PTPN13: variants seen among roughly 807,000 people sequenced by gnomAD.
PTPN13 encodes protein tyrosine phosphatase non-receptor type 13, also known as tyrosine-protein phosphatase non-receptor type 13.
In PTPN13, 191 loss-of-function variants were observed where a neutral mutation model predicts 284.0. The observed-to-expected ratio is 0.67, with a 90% CI of 0.60 to 0.76. The LOEUF is 0.76. Ranked by LOEUF, PTPN13 falls within the 30% of genes least tolerant of loss-of-function variation. PTPN13 has a pLI of 0.00. For synonymous variants in PTPN13, 986 were observed against 1,022.3 expected (o/e 0.96, Z 0.68); for missense variants, 2,797 against 2,939.9 (o/e 0.95, Z 1.12).
chr4:86,619,544 G>T (rs1329893503), intron 1 of PTPN13, among the ~76,000 whole-genome samples: 7 of 152,100 alleles, frequency 4.6e-5, no homozygotes, highest in African/African-American at 1.7e-4. Context: ...TAGGAGAAGT[G>T]GAAAAGGCAG....
intron 3 of PTPN13, among the ~76,000 whole-genome samples, chr4:86,678,663 T>G (rs1289596705): frequency 6.6e-6 from 1 of 152,206 alleles, no homozygotes; most frequent in East Asian, 1.9e-4. Flanking sequence ...CCATTGTGTT[T>G]CCTGTAAATG....
intron 2 of PTPN13, among the ~76,000 whole-genome samples, 167 bp downstream of exon 2, chr4:86,635,538 A>G (rs979797434): frequency 2.0e-5 from 3 of 152,208 alleles, no homozygotes; most frequent in Non-Finnish European, 4.4e-5. Flanking sequence ...AAGCTCAGCT[A>G]TTATCTACAT....
chr4:86,728,411 G>A lies in PTPN13; in HGVS notation c.1609-3989G>A, dbSNP rs188608145. 2.0e-5 allele frequency among the ~76,000 whole-genome samples: 3 copies of A among 148,720 alleles called. 1 individual carries two copies. The highest frequency in any genetic ancestry group is 1.9e-4 in the East Asian group (1 of 5,168). ...CCTTATCTGTCTAATACTGACAATG[G>A]AGTGTTAAAGTCTCCCATTATTATT... On this transcript the variant is annotated intron_variant, in intron 10 of 47. Transcript: ENST00000411767.
chr4:86,795,855 CAG>C (rs1743277242), intron 40 of PTPN13, among the ~76,000 whole-genome samples: 1 of 152,062 alleles, frequency 6.6e-6, no homozygotes, highest in South Asian at 2.1e-4. Context: ...CACATGGACA[CAG>C]GGCGGGGAAT....
chr4:86,636,775 A>T (rs753299960), intron 2 of PTPN13, among the ~76,000 whole-genome samples: 1 of 152,182 alleles, frequency 6.6e-6, no homozygotes, highest in Non-Finnish European at 1.5e-5. Flanking sequence ...GAACTAGAAA[A>T]GCAAGAACAA....
At chr4:86,773,403 A>G (rs763671940) in intron 32 of PTPN13, among the ~76,000 whole-genome samples, 64 of 151,324 alleles carry the variant, frequency 4.2e-4, no homozygotes, top group Non-Finnish European at 7.5e-4. Flanking sequence ...CCAAGTTTGA[A>G]TGTAATTTTT....
chr4:86,794,745 C>A (rs1055885626), intron 40 of PTPN13, among the ~76,000 whole-genome samples: 3 of 152,004 alleles, frequency 2.0e-5, no homozygotes, highest in African/African-American at 7.2e-5. Context: ...ATAATACTAC[C>A]CATCTACAGC....
intron 4 of PTPN13, 107 bp from the exon 5 acceptor site, chr4:86,688,898 G>T (rs1729728162): frequency 1.3e-6 from 1 of 771,548 alleles, no homozygotes; most frequent in Non-Finnish European, 2.0e-6. Context: ...CTCCAAGTAT[G>T]TGAAGTGTGT....
intron 1 of PTPN13, chr4:86,595,776 G>T: frequency 2.0e-6 from 2 of 985,496 alleles, no homozygotes; most frequent in Non-Finnish European, 2.4e-6. Context: ...TCTGTGGGAT[G>T]AAGGGCGCTG....
At chr4:86,688,923 T>G in intron 4 of PTPN13, 82 bp from the exon 5 acceptor site, 1 of 1,130,342 alleles carries the variant, frequency 8.8e-7, no homozygotes. Flanking sequence ...GTGTGGTTCC[T>G]GTGATTCCTA....
intron 10 of PTPN13, among the ~76,000 whole-genome samples, chr4:86,723,801 T>C (rs1336169584): frequency 6.6e-6 from 1 of 152,226 alleles, no homozygotes; most frequent in Non-Finnish European, 1.5e-5. Flanking sequence ...AAAATAATTC[T>C]TAAAAAGCAA....
intron 40 of PTPN13, among the ~76,000 whole-genome samples, chr4:86,791,792 A>G (rs969206662): frequency 6.6e-6 from 1 of 152,226 alleles, no homozygotes; most frequent in African/African-American, 2.4e-5. Context: ...ACTAACAAAC[A>G]GAAAGGAATA....
intron 40 of PTPN13, among the ~76,000 whole-genome samples, chr4:86,790,541 A>G (rs1742500509): frequency 6.6e-6 from 1 of 152,222 alleles, no homozygotes; most frequent in Non-Finnish European, 1.5e-5. Flanking sequence ...TAAGTGCCAC[A>G]CACACACACA....
chr4:86,760,718 T>C (rs578244693), intron 23 of PTPN13, among the ~76,000 whole-genome samples: 11 of 152,114 alleles, frequency 7.2e-5, no homozygotes, highest in African/African-American at 2.4e-4. Context: ...CTCAGCAGAG[T>C]TTTGTGTGGT....
rs193231523 is a variant in PTPN13, at chr4:86,690,388, C to T, written c.546+1198C>T. The T allele has an allele frequency of 5.3e-4, 81 of 152,228 alleles. 1 individual carries two copies. Among genetic ancestry groups the T allele is most frequent in the Admixed American group, 5.2e-3 (80 of 15,272 alleles). 9.4% of individuals were successfully genotyped at this position (152,228 alleles called of 1,614,324 possible). Reference sequence around the variant, plus strand: ...ATGACCAAATAAGCTTGAGAAGAAACTATTTAAAGGAAATTAAATGTATTT... The same window carrying T: ...ATGACCAAATAAGCTTGAGAAGAAATTATTTAAAGGAAATTAAATGTATTT... On this transcript the variant is annotated intron_variant, in intron 5 of 47. Transcript: ENST00000411767.
chr4:86,705,464 C>G (rs1354197367), intron 7 of PTPN13, among the ~76,000 whole-genome samples: 2 of 150,156 alleles, frequency 1.3e-5, no homozygotes, highest in African/African-American at 5.0e-5. Context: ...TAGTGAGAGA[C>G]AGGCTTCACA....
At chr4:86,644,263 C>A (rs1724150176) in intron 2 of PTPN13, among the ~76,000 whole-genome samples, 1 of 151,984 alleles carries the variant, frequency 6.6e-6, no homozygotes, top group African/African-American at 2.4e-5. Context: ...TCCCAAGTAG[C>A]TGGGACTACA....
At chr4:86,666,752 G>A (rs1171601237) in intron 2 of PTPN13, among the ~76,000 whole-genome samples, 2 of 152,166 alleles carry the variant, frequency 1.3e-5, no homozygotes, top group African/African-American at 4.8e-5. Flanking sequence ...GCTGGACCAG[G>A]TGTGATGTTT....
intron 7 of PTPN13, among the ~76,000 whole-genome samples, chr4:86,704,054 T>C (rs1266125728): frequency 6.6e-6 from 1 of 151,992 alleles, no homozygotes; most frequent in Non-Finnish European, 1.5e-5. Flanking sequence ...GGTGCATGCC[T>C]GTAATCCCAG....
Sources: allele counts gnomAD v4.1 joint callset (sites outside exome capture counted in the v4.1 genomes callset), GRCh38; gene constraint gnomAD v4.1.1; transcripts MANE v1.5; gene names NCBI Gene and HGNC (gene_info 2026-07-23, HGNC 2026-07-21).